AP4S1: variants seen among roughly 807,000 people sequenced by gnomAD.
AP4S1 encodes adaptor related protein complex 4 subunit sigma 1.
In AP4S1, 23 loss-of-function variants were observed where a neutral mutation model predicts 19.8. The ratio of observed to expected loss-of-function variants is 1.16; its 90% CI spans 0.84 to 1.65. The LOEUF (loss-of-function observed/expected upper bound fraction) is 1.65, where lower values mean the gene tolerates loss of function less well. AP4S1 is among the 40% of genes most tolerant of loss of function. AP4S1 has a pLI of 0.00. For missense variants in AP4S1, 166 were observed against 172.8 expected (o/e 0.96, Z 0.22); for synonymous variants, 46 against 54.1 (o/e 0.85, Z 0.66).
At chr14:31,034,662 G>T (rs895285502) in intron 1 of AP4S1, among the ~76,000 whole-genome samples, 1 of 137,806 alleles carries the variant, frequency 7.3e-6, no homozygotes, top group Non-Finnish European at 1.5e-5. Context: ...GTCATGCCCA[G>T]CCTGGAGTGC....
chr14:31,082,895 CAAA>C (rs769994048), intron 5 of AP4S1, among the ~76,000 whole-genome samples: 5 of 96,262 alleles, frequency 5.2e-5, no homozygotes, highest in Admixed American at 1.2e-4. Flanking sequence ...GACTCCGTCT[CAAA>C]AAAAAAAAAA....
chr14:31,091,462 C>T (rs1048040464), intron 5 of AP4S1, among the ~76,000 whole-genome samples: 6 of 151,732 alleles, frequency 4.0e-5, no homozygotes, highest in East Asian at 1.9e-4. Flanking sequence ...CCAGTTTGGC[C>T]GTGGGACAAA....
At chr14:31,049,369 G>C (rs1257896487) in intron 1 of AP4S1, among the ~76,000 whole-genome samples, 1 of 137,964 alleles carries the variant, frequency 7.2e-6, no homozygotes, top group Non-Finnish European at 1.5e-5. Context: ...AGCCGAGATC[G>C]CACCACTGCA....
chr14:31,077,732 CTTTTTTCTTTTTTTTT>C (rs1378768686), intron 4 of AP4S1, among the ~76,000 whole-genome samples: 13 of 141,196 alleles, frequency 9.2e-5, no homozygotes, highest in Non-Finnish European at 1.2e-4. Flanking sequence ...TGTTTTTTTT[CTTTTTTCTTTTTTTTT>C]TTTTTTGAGA....
chr14:31,034,772 C>A (rs549521520), intron 1 of AP4S1, among the ~76,000 whole-genome samples: 1 of 151,472 alleles, frequency 6.6e-6, no homozygotes, highest in Non-Finnish European at 1.5e-5. Flanking sequence ...CACCCGCCAC[C>A]ACGACCAGCT....
intron 1 of AP4S1, among the ~76,000 whole-genome samples, chr14:31,053,507 G>A (rs1335061463): frequency 4.0e-5 from 6 of 150,640 alleles, no homozygotes; most frequent in African/African-American, 9.7e-5. Context: ...GAAGGGAACC[G>A]AAAGCCTGAG....
chr14:31,026,448 AG>A (rs1444045050), intron 1 of AP4S1: 1 of 397,138 alleles, frequency 2.5e-6, no homozygotes, highest in Non-Finnish European at 4.4e-6. Flanking sequence ...AGAGTTGGGA[AG>A]GGGATAGGCG....
chr14:31,032,254 C>T (rs142259493), intron 1 of AP4S1, among the ~76,000 whole-genome samples: 2 of 152,076 alleles, frequency 1.3e-5, no homozygotes, highest in Admixed American at 6.6e-5. Flanking sequence ...ATGGTGCAGG[C>T]GTCACCTTTG....
At chr14:31,076,934 A>C (rs945897298) in intron 4 of AP4S1, among the ~76,000 whole-genome samples, 2 of 152,010 alleles carry the variant, frequency 1.3e-5, no homozygotes, top group African/African-American at 4.8e-5. Flanking sequence ...TTATCTTTTT[A>C]TTTTTATTTT....
intron 1 of AP4S1, among the ~76,000 whole-genome samples, chr14:31,051,747 C>G (rs188579819): frequency 6.6e-6 from 1 of 152,050 alleles, no homozygotes; most frequent in Non-Finnish European, 1.5e-5. Context: ...TGTAACTTCC[C>G]CCTCCCGGGT....
At chr14:31,091,880 C>CT (rs1341067978) in intron 5 of AP4S1, among the ~76,000 whole-genome samples, 4 of 152,196 alleles carry the variant, frequency 2.6e-5, no homozygotes, top group Admixed American at 2.6e-4. Flanking sequence ...GGATCATGCT[C>CT]TTTAAGTAGA....
chr14:31,073,303 A>G (rs557037580), intron 4 of AP4S1: 2 of 268,154 alleles, frequency 7.5e-6, no homozygotes, highest in Non-Finnish European at 1.5e-5. Context: ...ATCCTGGCTA[A>G]TACGGTGAAA....
At chr14:31,066,468 G>T in intron 2 of AP4S1, 134 bp downstream of exon 2, 1 of 1,243,808 alleles carries the variant, frequency 8.0e-7, no homozygotes, top group South Asian at 1.2e-5. Context: ...TAAGTGATGT[G>T]AAATGAAAAA....
chr14:31,041,453 T>C (rs765460906), intron 1 of AP4S1, among the ~76,000 whole-genome samples: 13 of 152,284 alleles, frequency 8.5e-5, no homozygotes, highest in Non-Finnish European at 1.8e-4. Flanking sequence ...CCAACAGGTT[T>C]GAAATATTTT....
intron 1 of AP4S1, among the ~76,000 whole-genome samples, chr14:31,031,830 G>A (rs1884405668): frequency 6.6e-6 from 1 of 152,128 alleles, no homozygotes; most frequent in African/African-American, 2.4e-5. Context: ...TCCTGTTCAT[G>A]CCTCCTCCAT....
intron 3 of AP4S1, 130 bp downstream of exon 3, chr14:31,070,059 A>T: frequency 1.3e-6 from 1 of 768,036 alleles, no homozygotes; most frequent in Non-Finnish European, 2.3e-6. Flanking sequence ...CCGTGGCATG[A>T]TCTCAGCTCA....
intron 1 of AP4S1, among the ~76,000 whole-genome samples, chr14:31,064,780 C>T (rs1277906302): frequency 6.6e-6 from 1 of 152,116 alleles, no homozygotes; most frequent in Non-Finnish European, 1.5e-5. Context: ...TATAGTGAAA[C>T]CTCATCTCTA....
chr14:31,081,072 G>A (rs141599023), intron 5 of AP4S1, among the ~76,000 whole-genome samples: 3,051 of 152,230 alleles, frequency 0.02, 107 homozygotes, highest in African/African-American at 0.068. Context: ...GATTACAGGC[G>A]TGAACCACTG....
intron 2 of AP4S1, among the ~76,000 whole-genome samples, chr14:31,066,545 C>A (rs1364983695): frequency 6.6e-6 from 1 of 152,180 alleles, no homozygotes; most frequent in African/African-American, 2.4e-5. Context: ...CTGGAAGAAT[C>A]TTGGCTTCTT....
Sources: allele counts gnomAD v4.1 joint callset (sites outside exome capture counted in the v4.1 genomes callset), GRCh38; gene constraint gnomAD v4.1.1; transcripts MANE v1.5; gene names NCBI Gene and HGNC (gene_info 2026-07-23, HGNC 2026-07-21).